Variants in USH2A observed in about 807,000 individuals in gnomAD.
USH2A encodes Usher syndrome 2A (autosomal recessive, mild).
USH2A carries 443 observed loss-of-function variants against 538.9 expected under a neutral mutation model. The observed-to-expected ratio is 0.82, with a 90% CI of 0.76 to 0.89. The LOEUF (loss-of-function observed/expected upper bound fraction) is 0.89. Among genes scored for constraint, USH2A ranks in the 40% least tolerant of loss-of-function variants. USH2A has a pLI of 0.00. For missense variants in USH2A, 6,633 were observed against 6,324.8 expected, an observed-to-expected ratio of 1.05 and a Z score of -1.65; for synonymous variants, 2,413 against 2,273.5, an observed-to-expected ratio of 1.06 and a Z score of -1.75.
intron 32 of USH2A, among the ~76,000 whole-genome samples, chr1:216,045,027 C>A (rs1190031796): frequency 6.6e-6 from 1 of 152,134 alleles, no homozygotes; most frequent in Non-Finnish European, 1.5e-5. Context: ...TCTACATGTG[C>A]CCCCATGAAG....
chr1:216,111,412 T>C (rs114266744), intron 21 of USH2A, among the ~76,000 whole-genome samples: 7,479 of 152,186 alleles, frequency 0.049, 261 homozygotes, highest in Middle Eastern at 0.099. Flanking sequence ...CCAAATCCAT[T>C]GATCTCAATC....
chr1:215,909,187 TA>T (rs2102477436), intron 38 of USH2A, among the ~76,000 whole-genome samples: 1 of 151,754 alleles, frequency 6.6e-6, no homozygotes, highest in Non-Finnish European at 1.5e-5. Flanking sequence ...ATGAACAAAT[TA>T]AAATGGTTTT....
At chr1:215,915,357 G>A (rs940217809) in intron 38 of USH2A, among the ~76,000 whole-genome samples, 1 of 152,070 alleles carries the variant, frequency 6.6e-6, no homozygotes, top group Admixed American at 6.6e-5. Flanking sequence ...CTTGGAGAGC[G>A]GATACTGTTG....
intron 61 of USH2A, among the ~76,000 whole-genome samples, chr1:215,724,118 T>C (rs893566849): frequency 1.3e-5 from 2 of 152,184 alleles, no homozygotes; most frequent in African/African-American, 2.4e-5. Context: ...TCTATATCTA[T>C]ATATCTCCTG....
intron 3 of USH2A, among the ~76,000 whole-genome samples, chr1:216,374,888 C>T (rs372525182): frequency 6.6e-6 from 1 of 152,038 alleles, no homozygotes; most frequent in South Asian, 2.1e-4. Flanking sequence ...AGCCATTTCT[C>T]CAAGGAATCC....
At chr1:216,008,440 T>C (rs1668459750) in intron 32 of USH2A, among the ~76,000 whole-genome samples, 2 of 151,834 alleles carry the variant, frequency 1.3e-5, no homozygotes, top group Non-Finnish European at 2.9e-5. Flanking sequence ...CCCACCCCTA[T>C]CTCCCTTCGC....
intron 26 of USH2A, among the ~76,000 whole-genome samples, chr1:216,080,703 AC>A (rs2031914045): frequency 6.6e-6 from 1 of 151,546 alleles, no homozygotes; most frequent in Non-Finnish European, 1.5e-5. Context: ...GAACAGTTGA[AC>A]ATACAAAGAG....
At chr1:216,147,413 G>T (rs2033733469) in intron 21 of USH2A, among the ~76,000 whole-genome samples, 1 of 152,082 alleles carries the variant, frequency 6.6e-6, no homozygotes, top group African/African-American at 2.4e-5. Context: ...CATAGTCAAG[G>T]TTAATGCTCC....
chr1:215,956,628 T>C (rs187394152), intron 37 of USH2A, among the ~76,000 whole-genome samples: 1 of 152,088 alleles, frequency 6.6e-6, no homozygotes, highest in East Asian at 1.9e-4. Flanking sequence ...GGGCTGCATA[T>C]CCTGAATCAG....
rs778351451 is a variant in USH2A, at chr1:215,648,560, A to T, written c.14550T>A (p.Ser4850Arg). The T allele has an allele frequency of 6.2e-7, 1 of 1,614,040 alleles. No homozygotes were observed. Among genetic ancestry groups the T allele is most frequent in the South Asian group, 1.1e-5 (1 of 91,068 alleles). ...LASRTASFRW[S>R]PPMFPNGVIH... Reference sequence around the variant, plus strand: ...TGACACCATTGGGGAACATGGGGGGACTCCACCGGAAGGAGGCCGTCCTTG... The same window carrying T: ...TGACACCATTGGGGAACATGGGGGGTCTCCACCGGAAGGAGGCCGTCCTTG... Residue 4850 changes from serine (S) to arginine (R), a missense_variant, in exon 66 of 72, where the codon AGT becomes AGA. Transcript: ENST00000307340.
At position 216,175,489 on chromosome 1, in the gene USH2A, AT is replaced by A. The variant is rs2102641285; in HGVS notation, c.4397-8del. On this transcript the variant is annotated splice_polypyrimidine_tract_variant and splice_region_variant and intron_variant, in intron 20 of 71. Transcript: ENST00000307340. The stretch of plus-strand genomic sequence containing the variant: ...GGCCTCAGTTGTGCTGGTGCTAAAT[AT>A]TAGAAAACACCTGTTATATTCAAGA... 16 of 1,613,494 alleles carry A rather than the reference AT, an allele frequency of 9.9e-6. No individual in the cohort carries two copies. The highest frequency in any genetic ancestry group is 1.3e-5 in the Non-Finnish European group (15 of 1,179,630).
At chr1:216,299,312 TATATTC>T (rs1316010944) in intron 9 of USH2A, among the ~76,000 whole-genome samples, 1 of 151,282 alleles carries the variant, frequency 6.6e-6, no homozygotes, top group African/African-American at 2.4e-5. Context: ...AATAGAGAAA[TATATTC>T]ATAATACAGC....
At chr1:216,326,222 T>C (rs2037732129) in intron 5 of USH2A, among the ~76,000 whole-genome samples, 1 of 152,190 alleles carries the variant, frequency 6.6e-6, no homozygotes, top group Non-Finnish European at 1.5e-5. Flanking sequence ...ATTTAATTTT[T>C]CCATTAGGGG....
chr1:215,709,682 G>A (rs1261079228), intron 61 of USH2A, among the ~76,000 whole-genome samples: 1 of 145,360 alleles, frequency 6.9e-6, no homozygotes, highest in Admixed American at 6.9e-5. Flanking sequence ...TCATTCCCTT[G>A]ACTAATTTCC....
chr1:216,160,718 AT>A (rs1336944094), intron 21 of USH2A, among the ~76,000 whole-genome samples: 4 of 152,200 alleles, frequency 2.6e-5, no homozygotes, highest in African/African-American at 4.8e-5. Context: ...GATGTTCTAC[AT>A]ATGACAACAC....
intron 11 of USH2A, among the ~76,000 whole-genome samples, chr1:216,256,946 G>A (rs1571628799): frequency 6.6e-6 from 1 of 151,752 alleles, no homozygotes. Flanking sequence ...AGGGTCAAGG[G>A]TACTTCCTTT....
chr1:215,734,438 G>A (rs1660096501), intron 60 of USH2A, among the ~76,000 whole-genome samples: 1 of 152,118 alleles, frequency 6.6e-6, no homozygotes, highest in African/African-American at 2.4e-5. Flanking sequence ...TATTATCTTG[G>A]ATATTAACAC....
Position 216,190,273 on chromosome 1 carries a change from G to A in USH2A, c.4346C>T (p.Ser1449Leu), listed in dbSNP as rs867875955. The change falls in exon 20 of 72, where the codon TCA (serine) becomes TTA (leucine). Residue 1449 changes from serine (S) to leucine (L), a missense_variant. Ser to Leu is a moderately radical substitution (Grantham distance 145). Transcript: ENST00000307340. ...IYEFTITLCN[S>L]VGCVTSASGA... The stretch of plus-strand genomic sequence containing the variant: ...CGAAGCACTGGTCACACAACCAACT[G>A]AATTGCAGAGAGTAATAGTAAACTC... The A allele has an allele frequency of 1.2e-6, 2 of 1,612,540 alleles. No individual in the cohort carries two copies. Among genetic ancestry groups the A allele is most frequent in the South Asian group, 1.1e-5 (1 of 91,048 alleles).
intron 62 of USH2A, among the ~76,000 whole-genome samples, chr1:215,676,597 A>T (rs1658035427): frequency 6.6e-6 from 1 of 151,736 alleles, no homozygotes; most frequent in Admixed American, 6.6e-5. Context: ...TTGTTAACAT[A>T]CTCCATTTTT....
Sources: gnomAD v4.1 joint callset for allele counts (sites outside exome capture counted in the v4.1 genomes callset) on GRCh38, gnomAD v4.1.1 for gene constraint, MANE v1.5 for transcripts, NCBI Gene and HGNC (gene_info 2026-07-23, HGNC 2026-07-21) for gene names.